PCDHA4: variants seen among roughly 807,000 people sequenced by gnomAD.
PCDHA4 encodes the protein protocadherin alpha 4.
PCDHA4 carries 49 observed loss-of-function variants against 61.4 expected under a neutral mutation model. That is an observed-to-expected ratio of 0.80 (90% CI 0.63 to 1.01). The LOEUF (loss-of-function observed/expected upper bound fraction) is 1.01. Ranked by LOEUF, PCDHA4 falls within the 50% of genes least tolerant of loss-of-function variation. The pLI is 0.00. For missense variants in PCDHA4, 1,254 were observed against 1,235.8 expected (o/e 1.01, Z -0.22); for synonymous variants, 590 against 550.3 (o/e 1.07, Z -1.01).
intron 1 of PCDHA4, among the ~76,000 whole-genome samples, chr5:140,880,397 A>C (rs1420314604): frequency 6.6e-6 from 1 of 152,246 alleles, no homozygotes; most frequent in Non-Finnish European, 1.5e-5. Context: ...TTTTAAGAGC[A>C]TATGGTTGAC....
At chr5:141,001,978 A>G (rs1331599524) in intron 3 of PCDHA4, among the ~76,000 whole-genome samples, 1 of 152,166 alleles carries the variant, frequency 6.6e-6, no homozygotes, top group Non-Finnish European at 1.5e-5. Context: ...TCTGCGCGGA[A>G]AGCCTGGAAG....
intron 1 of PCDHA4, among the ~76,000 whole-genome samples, chr5:140,847,151 G>C (rs1780878525): frequency 6.7e-6 from 1 of 149,540 alleles, no homozygotes; most frequent in Non-Finnish European, 1.5e-5. Flanking sequence ...AAGATCTCTT[G>C]ATTTCTGAGT....
chr5:140,838,276 G>A (rs1775636569), intron 1 of PCDHA4, among the ~76,000 whole-genome samples: 1 of 88,868 alleles, frequency 1.1e-5, no homozygotes, highest in South Asian at 3.7e-4. Flanking sequence ...ACCAAGCCAT[G>A]CTAATTTTTT....
At chr5:140,869,378 G>T in intron 1 of PCDHA4, 3 of 1,614,168 alleles carry the variant, frequency 1.9e-6, no homozygotes, top group East Asian at 2.2e-5. Flanking sequence ...CGGATCGACC[G>T]CGAGGAGCTG....
At chr5:140,856,659 A>C in intron 1 of PCDHA4, 1 of 1,598,186 alleles carries the variant, frequency 6.3e-7, no homozygotes, top group Non-Finnish European at 8.6e-7. Context: ...CGTGAAGAAA[A>C]TCCTCAGCTA....
At chr5:140,824,289 C>A in intron 1 of PCDHA4, 1 of 983,136 alleles carries the variant, frequency 1.0e-6, no homozygotes, top group African/African-American at 1.6e-5. Flanking sequence ...TTTTATGAGG[C>A]TTTTCTGCTG....
chr5:140,850,372 T>C, intron 1 of PCDHA4: 1 of 1,597,806 alleles, frequency 6.3e-7, no homozygotes, highest in African/African-American at 1.3e-5. Context: ...CGCGTGGGGC[T>C]GTACACGGGC....
At chr5:140,866,395 T>A (rs1483002508) in intron 1 of PCDHA4, 1 of 152,120 alleles carries the variant, frequency 6.6e-6, no homozygotes, top group Non-Finnish European at 1.5e-5. Context: ...AGACATAGAT[T>A]CCCATGAAAA....
rs782646556 is a variant in PCDHA4 at position 140,869,083 on chromosome 5, T to G, written c.2385+59511T>G. 1.6e-5 allele frequency: 26 copies of G among 1,582,872 alleles called. No individual in the cohort carries two copies. The South Asian group carries it at 2.9e-4, about 18-fold the overall frequency. On this transcript the variant is annotated intron_variant, in intron 1 of 3. Coordinates refer to ENST00000530339, the MANE Select transcript of PCDHA4 (RefSeq NM_018907.4). ...ACTGTAAGTGTAAAGAAGCTTATTT[T>G]GGAAGCCAATTTCGTATGCGATGTT...
In PCDHA4 at chr5:140,922,223, C is replaced by T. The variant is rs115262412; in HGVS notation, c.2386-56726C>T. 8.0e-3 allele frequency among the ~76,000 whole-genome samples: 1,216 copies of T among 152,128 alleles called. 6 individuals are homozygous for T. Among genetic ancestry groups the T allele is most frequent in the African/African-American group, 0.019 (784 of 41,508 alleles). ...ATGAAACTTTGTAAAACATTTGAAC[C>T]TCAACCATGATGTGTATGAAGATAA... On this transcript the variant is annotated intron_variant, in intron 1 of 3. Transcript: ENST00000530339.
chr5:141,002,673 C>T (rs2098090242), intron 3 of PCDHA4, among the ~76,000 whole-genome samples: 3 of 152,180 alleles, frequency 2.0e-5, no homozygotes, highest in Admixed American at 2.0e-4. Context: ...GGACCAAAAC[C>T]TATACGACGT....
intron 1 of PCDHA4, chr5:140,836,001 G>A (rs1405342443): frequency 2.3e-5 from 37 of 1,613,232 alleles, no homozygotes; most frequent in Non-Finnish European, 2.9e-5. Context: ...CGCGCGCGAT[G>A]CGGGCGTGCC....
chr5:140,884,304 C>T (rs1562802468), intron 1 of PCDHA4: 1 of 1,613,710 alleles, frequency 6.2e-7, no homozygotes, highest in East Asian at 2.2e-5. Context: ...CCACAGGCTT[C>T]GTCGAGGGCG....
At chr5:140,834,093 G>A (rs1772786951) in intron 1 of PCDHA4, among the ~76,000 whole-genome samples, 1 of 152,132 alleles carries the variant, frequency 6.6e-6, no homozygotes, top group Non-Finnish European at 1.5e-5. Flanking sequence ...TAACAACAAT[G>A]AAGAAAAAAA....
At chr5:140,851,107 T>C in intron 1 of PCDHA4, 2 of 1,299,568 alleles carry the variant, frequency 1.5e-6, no homozygotes, top group Non-Finnish European at 2.0e-6. Context: ...TTTTGGGTGC[T>C]GAATCAATTT....
At chr5:140,826,604 A>T (rs2150144366) in intron 1 of PCDHA4, among the ~76,000 whole-genome samples, 7 of 152,290 alleles carry the variant, frequency 4.6e-5, no homozygotes, top group African/African-American at 1.4e-4. Flanking sequence ...AGGTTAAATT[A>T]AGGGCGAAGT....
chr5:140,883,701 C>T (rs782806604), intron 1 of PCDHA4: 1 of 1,613,808 alleles, frequency 6.2e-7, no homozygotes, highest in Admixed American at 1.7e-5. Flanking sequence ...TTCACGGTGT[C>T]TGCTCAGGAC....
chr5:140,915,138 G>A (rs139042327), intron 1 of PCDHA4, among the ~76,000 whole-genome samples: 2,353 of 151,838 alleles, frequency 0.015, 60 homozygotes, highest in African/African-American at 0.053. Context: ...TAGTAGAGAC[G>A]GGGTTTCACC....
At chr5:140,872,588 C>G (rs995645358) in intron 1 of PCDHA4, among the ~76,000 whole-genome samples, 4 of 151,876 alleles carry the variant, frequency 2.6e-5, no homozygotes, top group African/African-American at 2.4e-5. Context: ...CATCGTGAGA[C>G]CCCCATCTGA....
Sources: gnomAD v4.1 joint callset for allele counts (sites outside exome capture counted in the v4.1 genomes callset) on GRCh38, gnomAD v4.1.1 for gene constraint, MANE v1.5 for transcripts, NCBI Gene and HGNC (gene_info 2026-07-23, HGNC 2026-07-21) for gene names.